The following SCFD2 variants were observed in gnomAD, a reference collection of about 807,000 sequenced individuals.
SCFD2 encodes the protein sec1 family domain-containing protein 2.
Under a neutral mutation model 58.9 loss-of-function variants are expected in SCFD2, and 54 were observed. The observed-to-expected ratio is 0.92, with a 90% CI of 0.74 to 1.15. The LOEUF is 1.15. Ranked by LOEUF, SCFD2 falls within the 50% of genes most tolerant of loss-of-function variation. The probability of loss-of-function intolerance (pLI) is 0.00; values close to 1 mark genes in which losing one functional copy is unlikely to be tolerated. For synonymous variants in SCFD2, 321 were observed against 335.9 expected, an observed-to-expected ratio of 0.96 and a Z score of 0.49; for missense variants, 805 against 836.6, an observed-to-expected ratio of 0.96 and a Z score of 0.47.
intron 5 of SCFD2, among the ~76,000 whole-genome samples, chr4:52,937,987 T>C (rs1236835727): frequency 6.6e-6 from 1 of 152,180 alleles, no homozygotes; most frequent in East Asian, 1.9e-4. Context: ...GATTCATACA[T>C]TGACTCAACA....
At chr4:52,992,913 G>C (rs1721653311) in intron 5 of SCFD2, among the ~76,000 whole-genome samples, 1 of 152,204 alleles carries the variant, frequency 6.6e-6, no homozygotes, top group African/African-American at 2.4e-5. Context: ...AGCTCATTGA[G>C]AACGGGCCAT....
intron 5 of SCFD2, among the ~76,000 whole-genome samples, chr4:53,122,456 G>A (rs1725507022): frequency 2.0e-5 from 3 of 151,992 alleles, no homozygotes; most frequent in Non-Finnish European, 4.4e-5. Context: ...TGAAAGGGAA[G>A]GAAGAGCCTC....
intron 7 of SCFD2, among the ~76,000 whole-genome samples, chr4:52,900,922 G>A (rs111822021): frequency 2.0e-5 from 3 of 152,170 alleles, no homozygotes; most frequent in African/African-American, 7.2e-5. Context: ...GAGGCTCCGC[G>A]GGCGCAGGAC....
chr4:53,354,668 CA>C (rs1734349624), intron 1 of SCFD2, among the ~76,000 whole-genome samples: 2 of 152,166 alleles, frequency 1.3e-5, no homozygotes, highest in Admixed American at 6.5e-5. Flanking sequence ...CATCAATAAG[CA>C]TTTGCTTAAT....
chr4:53,241,888 CA>C (rs1729905598), intron 4 of SCFD2, among the ~76,000 whole-genome samples: 3 of 152,216 alleles, frequency 2.0e-5, no homozygotes, highest in African/African-American at 7.2e-5. Flanking sequence ...AAACAGTGGA[CA>C]TGCCTCCACT....
intron 5 of SCFD2, among the ~76,000 whole-genome samples, chr4:53,131,776 T>G (rs1169396675): frequency 6.6e-6 from 1 of 152,228 alleles, no homozygotes; most frequent in Admixed American, 6.5e-5. Flanking sequence ...TCTCTCCAAT[T>G]TGATCCATAG....
At chr4:53,320,680 C>T (rs1732997809) in intron 2 of SCFD2, among the ~76,000 whole-genome samples, 1 of 152,176 alleles carries the variant, frequency 6.6e-6, no homozygotes, top group Non-Finnish European at 1.5e-5. Flanking sequence ...ACTTCACATG[C>T]ACAAATTTGA....
chr4:53,281,802 C>A (rs1731518697), intron 3 of SCFD2, among the ~76,000 whole-genome samples: 1 of 152,296 alleles, frequency 6.6e-6, no homozygotes, highest in South Asian at 2.1e-4. Context: ...TAAGCAATAT[C>A]TTATAGCTGT....
At chr4:52,908,129 A>G (rs2109472423) in intron 6 of SCFD2, among the ~76,000 whole-genome samples, 1 of 152,358 alleles carries the variant, frequency 6.6e-6, no homozygotes, top group South Asian at 2.1e-4. Context: ...AAGATGACAT[A>G]AAGGAATCTG....
At chr4:52,884,449 C>G (rs1391072596) in intron 8 of SCFD2, among the ~76,000 whole-genome samples, 1 of 152,130 alleles carries the variant, frequency 6.6e-6, no homozygotes, top group Non-Finnish European at 1.5e-5. Flanking sequence ...GCTCTCTGAC[C>G]TCTGGCATGA....
At chr4:53,009,528 G>A (rs147962016) in intron 5 of SCFD2, among the ~76,000 whole-genome samples, 20 of 152,310 alleles carry the variant, frequency 1.3e-4, no homozygotes, top group Non-Finnish European at 2.5e-4. Flanking sequence ...CAGATGTGCC[G>A]CTGAACATAT....
intron 4 of SCFD2, among the ~76,000 whole-genome samples, chr4:53,175,066 C>CA (rs1727289047): frequency 6.6e-6 from 1 of 152,158 alleles, no homozygotes; most frequent in Non-Finnish European, 1.5e-5. Flanking sequence ...TTTCTCCCCC[C>CA]ACAATGGCTG....
At chr4:53,001,883 T>C (rs1205575715) in intron 5 of SCFD2, among the ~76,000 whole-genome samples, 1 of 152,204 alleles carries the variant, frequency 6.6e-6, no homozygotes, top group Non-Finnish European at 1.5e-5. Flanking sequence ...ACTGAGGGTT[T>C]GAGAGTTTAC....
chr4:53,283,312 T>C (rs528500304), intron 3 of SCFD2, among the ~76,000 whole-genome samples: 3 of 152,240 alleles, frequency 2.0e-5, no homozygotes, highest in Non-Finnish European at 4.4e-5. Flanking sequence ...GTTGTTTCTG[T>C]GTTTTACTGC....
intron 2 of SCFD2, among the ~76,000 whole-genome samples, chr4:53,328,748 T>C (rs146237316): frequency 0.012 from 1,870 of 152,314 alleles, 13 homozygotes; most frequent in Middle Eastern, 0.024. Flanking sequence ...GGAGCCAAGA[T>C]GGCCGAATAG....
In SCFD2 at chr4:52,920,798, C is replaced by T. The variant is rs201431139; in HGVS notation, c.1634G>A (p.Arg545Gln). 207 of 1,610,700 alleles carry T rather than the reference C, an allele frequency of 1.3e-4. No homozygotes were observed. The highest frequency in any genetic ancestry group is 1.6e-4 in the Non-Finnish European group (194 of 1,177,610). Residue 545 changes from arginine to glutamine, a missense_variant, in exon 6 of 9, where the codon CGG (arginine) becomes CAG (glutamine). Physicochemically the swap from Arg to Gln is conservative, Grantham distance 43. Coordinates refer to ENST00000401642, the MANE Select transcript of SCFD2 (RefSeq NM_152540.4). ...IAVDELFTSL[R>Q]DIAGARSLLK... Reference sequence around the variant, plus strand: ...GAGACTCCGAGCTCCAGCAATATCCCGAAGTGAAGTAAAGAGTTCATCCAC... The same window carrying T: ...GAGACTCCGAGCTCCAGCAATATCCTGAAGTGAAGTAAAGAGTTCATCCAC...
intron 5 of SCFD2, among the ~76,000 whole-genome samples, chr4:52,941,886 C>T (rs971685080): frequency 1.3e-5 from 2 of 152,174 alleles, no homozygotes; most frequent in African/African-American, 4.8e-5. Flanking sequence ...TTGCATGATA[C>T]TTACTGGTTG....
chr4:53,346,140 T>C (rs1734052146), intron 2 of SCFD2, among the ~76,000 whole-genome samples: 1 of 152,084 alleles, frequency 6.6e-6, no homozygotes, highest in Non-Finnish European at 1.5e-5. Flanking sequence ...ATAAGATATT[T>C]ATACATGTTC....
At position 53,000,612 on chromosome 4, in the gene SCFD2, C is replaced by T. The variant is rs774212402; in HGVS notation, c.1562-79742G>A. Among the ~76,000 whole-genome samples, 15 of 152,310 alleles carry T rather than the reference C, an allele frequency of 9.8e-5. No homozygotes were observed. In the East Asian group the frequency reaches 1.2e-3, roughly 12 times the overall value. On this transcript the variant is annotated intron_variant, in intron 5 of 8. Coordinates refer to ENST00000401642, the MANE Select transcript of SCFD2 (RefSeq NM_152540.4). ...GAGTTCCAAAGTTCCCAGGCCATAG[C>T]GCCAAGCATCACGTTACCCAGAGTC... is the stretch of plus-strand genomic sequence containing the variant.
Sources: gnomAD v4.1 joint callset for allele counts (sites outside exome capture counted in the v4.1 genomes callset) on GRCh38, gnomAD v4.1.1 for gene constraint, MANE v1.5 for transcripts, NCBI Gene and HGNC (gene_info 2026-07-23, HGNC 2026-07-21) for gene names.